FREM1: variants seen among roughly 807,000 people sequenced by gnomAD.
The protein encoded by FREM1 is FRAS1 related extracellular matrix 1.
In FREM1, 220 loss-of-function variants were observed where a neutral mutation model predicts 210.1. The observed-to-expected ratio is 1.05, with a 90% CI of 0.94 to 1.17. FREM1 has a LOEUF of 1.17. Among genes scored for constraint, FREM1 ranks in the 50% most tolerant of loss-of-function variants. The pLI is 0.00. For synonymous variants in FREM1, 1,189 were observed against 980.2 expected (o/e 1.21, Z -3.98); for missense variants, 3,454 against 2,675.5 (o/e 1.29, Z -6.42).
chr9:14,852,140 G>A lies in FREM1; in HGVS notation c.829-533C>T, dbSNP rs544676109. Reference sequence around the variant, plus strand: ...CACCTCCTGTCATGTAGTTTTAAAGGGGGCAGGAGAAGGATGAAGGAAATA... The same window carrying A: ...CACCTCCTGTCATGTAGTTTTAAAGAGGGCAGGAGAAGGATGAAGGAAATA... On this transcript the variant is annotated intron_variant, in intron 5 of 36. Coordinates refer to ENST00000380880, the MANE Select transcript of FREM1 (RefSeq NM_001379081.2). Among the ~76,000 whole-genome samples, 5 of 152,234 alleles carry A rather than the reference G, an allele frequency of 3.3e-5. No individual in the cohort carries two copies. In the South Asian group the frequency reaches 1.0e-3, roughly 32 times the overall value.
intron 3 of FREM1, among the ~76,000 whole-genome samples, chr9:14,860,867 A>ATATACGTATATATACACATATATACG (rs1339254428): frequency 2.3e-5 from 1 of 44,404 alleles, no homozygotes; most frequent in African/African-American, 2.3e-4. Context: ...ATATACACAT[A>ATATACGTATATATACACATATATACG]TATATACGTA....
intron 14 of FREM1, among the ~76,000 whole-genome samples, chr9:14,817,603 C>G (rs1238269096): frequency 6.6e-6 from 1 of 152,026 alleles, no homozygotes; most frequent in Non-Finnish European, 1.5e-5. Context: ...TGAATTGAGC[C>G]AAATTTTAAA....
chr9:14,745,695 C>T (rs1842291459), intron 35 of FREM1, among the ~76,000 whole-genome samples: 1 of 152,150 alleles, frequency 6.6e-6, no homozygotes, highest in African/African-American at 2.4e-5. Context: ...GCATATTAGT[C>T]TAATTGTGTT....
intron 10 of FREM1, among the ~76,000 whole-genome samples, chr9:14,826,885 A>G (rs1822557078): frequency 6.6e-6 from 1 of 152,196 alleles, no homozygotes; most frequent in African/African-American, 2.4e-5. Flanking sequence ...ATCAGACACA[A>G]AACATGCTGG....
intron 21 of FREM1, 118 bp downstream of exon 21, chr9:14,797,380 G>C: frequency 1.4e-6 from 1 of 712,562 alleles, no homozygotes; most frequent in African/African-American, 1.8e-5. Flanking sequence ...GGGGCAAGCT[G>C]TGACAGGAGC....
At chr9:14,879,033 T>C (rs1588552309) in intron 1 of FREM1, among the ~76,000 whole-genome samples, 1 of 151,582 alleles carries the variant, frequency 6.6e-6, no homozygotes, top group Non-Finnish European at 1.5e-5. Context: ...GGCAGGCGCC[T>C]GTAATCTGAG....
At chr9:14,909,585 T>C (rs1165457435) in intron 1 of FREM1, among the ~76,000 whole-genome samples, 2 of 152,396 alleles carry the variant, frequency 1.3e-5, no homozygotes, top group African/African-American at 4.8e-5. Flanking sequence ...TTCATTTAGC[T>C]GAGAAGAAAC....
intron 1 of FREM1, among the ~76,000 whole-genome samples, chr9:14,902,658 G>A (rs1042546508): frequency 2.6e-5 from 4 of 152,132 alleles, no homozygotes; most frequent in Admixed American, 6.5e-5. Context: ...GCACCACAGA[G>A]GCTCTACGGA....
At chr9:14,866,208 G>C (rs1377473302) in intron 2 of FREM1, among the ~76,000 whole-genome samples, 7 of 152,172 alleles carry the variant, frequency 4.6e-5, no homozygotes, top group African/African-American at 7.2e-5. Flanking sequence ...AGTAACTGGA[G>C]TTTTACCTTA....
Position 14,859,527 on chromosome 9 carries a change from G to A in FREM1, c.330-43C>T, listed in dbSNP as rs1438091300. The A allele has an allele frequency of 2.0e-6, 3 of 1,521,446 alleles. No homozygotes were observed. In the African/African-American group the frequency reaches 4.1e-5, roughly 21 times the overall value. 94.2% of individuals were successfully genotyped at this position (1,521,446 alleles called of 1,614,324 possible). ...CAAAAGCAATATTAATTGGTGCTCA[G>A]GTATTTCTGATACCCATGTACTCAG... On this transcript the variant is annotated intron_variant, in intron 3 of 36. Transcript: ENST00000380880.
chr9:14,859,261 G>C lies in FREM1; in HGVS notation c.553C>G (p.His185Asp), dbSNP rs764906137. ...LDTARTRLPA[H>D]GQMVLGEPRP... ...GGCTCCCCGAGAACCATCTGGCCAT[G>C]GGCTGGCAGCCGAGTTCTCGCAGTG... Residue 185 changes from histidine to aspartate, a missense_variant, in exon 4 of 37, where the codon CAT becomes GAT. Transcript: ENST00000380880. 2 of 1,613,550 alleles carry C rather than the reference G, an allele frequency of 1.2e-6. No homozygotes were observed. Among genetic ancestry groups the C allele is most frequent in the Non-Finnish European group, 1.7e-6 (2 of 1,179,670 alleles).
chr9:14,873,201 A>G (rs1359200245), intron 1 of FREM1, among the ~76,000 whole-genome samples: 2 of 151,946 alleles, frequency 1.3e-5, no homozygotes, highest in Non-Finnish European at 2.9e-5. Flanking sequence ...GTTAGGGAGG[A>G]TTCCCTCTTT....
chr9:14,770,722 C>T lies in FREM1; in HGVS notation c.4942G>A (p.Gly1648Arg), dbSNP rs746307888. 13 of 1,613,260 alleles carry T rather than the reference C, an allele frequency of 8.1e-6. No homozygotes were observed. Among genetic ancestry groups the T allele is most frequent in the Middle Eastern group, 1.7e-4 (1 of 6,050 alleles). ...AACACGCGGGAAGTGATGTAAATCCCGTAGCAGCCATTTTTCAGGAGCCCC... is the reference window on the plus strand; with the variant it reads ...AACACGCGGGAAGTGATGTAAATCCTGTAGCAGCCATTTTTCAGGAGCCCC... Reference protein sequence around the residue: ...QVGLLKNGCYGIYITSRVLKA... With the variant: ...QVGLLKNGCYRIYITSRVLKA... The change falls in exon 26 of 37, where the codon GGG (glycine) becomes AGG (arginine). Residue 1648 changes from glycine to arginine, a missense_variant. By Grantham distance (125) the Gly-to-Arg change is moderately radical. Coordinates refer to ENST00000380880, the MANE Select transcript of FREM1 (RefSeq NM_001379081.2).
chr9:14,770,068 T>G (rs1167190371), intron 26 of FREM1, among the ~76,000 whole-genome samples, 200 bp from the exon 27 acceptor site: 1 of 152,140 alleles, frequency 6.6e-6, no homozygotes, highest in Non-Finnish European at 1.5e-5. Flanking sequence ...GTTGACTGCT[T>G]CAGAAATATT....
At chr9:14,815,765 A>G (rs550168805) in intron 15 of FREM1, among the ~76,000 whole-genome samples, 1 of 152,122 alleles carries the variant, frequency 6.6e-6, no homozygotes, top group Non-Finnish European at 1.5e-5. Flanking sequence ...CTCCTGCCTC[A>G]GCCTCCCAAG....
rs575401695 is a variant in FREM1 at position 14,809,551 on chromosome 9, G to A, written c.2894-1417C>T. Reference sequence around the variant, plus strand: ...AAAACTGGGCTTAAAAGGAAAAACCGAATTGAAGTTGAGAGAATTAGAAAG... The same window carrying A: ...AAAACTGGGCTTAAAAGGAAAAACCAAATTGAAGTTGAGAGAATTAGAAAG... On this transcript the variant is annotated intron_variant, in intron 16 of 36. Coordinates refer to ENST00000380880, the MANE Select transcript of FREM1 (RefSeq NM_001379081.2). 5.3e-5 allele frequency among the ~76,000 whole-genome samples: 8 copies of A among 152,258 alleles called. 1 individual carries two copies. The highest frequency in any genetic ancestry group is 3.3e-4 in the Admixed American group (5 of 15,294).
Position 14,737,483 on chromosome 9 carries a change from A to G in FREM1, c.6453T>C (p.Cys2151=). The change falls in exon 37 of 37, where the codon TGT becomes TGC. Residue 2151 remains cysteine (C), a synonymous_variant. Coordinates refer to ENST00000380880, the MANE Select transcript of FREM1 (RefSeq NM_001379081.2). The part of the protein sequence containing the change: ...PSQRSKLGKS[C]VLVQRQGKWQ... ...ATTTCCCTTGTCTTTGAACCAAAAC[A>G]CAGCTCTTTCCAAGCTTGGAGCGTT... 6.2e-7 allele frequency: 1 copy of G among 1,613,890 alleles called. No homozygotes were observed. The highest frequency in any genetic ancestry group is 8.5e-7 in the Non-Finnish European group (1 of 1,179,836).
In FREM1 at chr9:14,851,308, G is replaced by T. The variant is rs1336413313; in HGVS notation, c.1128C>A (p.Ser376Arg). ...CCTCATCATGTCTCCTCTCAGAATGGCTGCTGTTTGGTGGCTGATAGGCGA... is the reference window on the plus strand; with the variant it reads ...CCTCATCATGTCTCCTCTCAGAATGTCTGCTGTTTGGTGGCTGATAGGCGA... ...MQIAYQPPNS[S>R]HSERRHDEVE... Residue 376 changes from serine to arginine, a missense_variant, in exon 6 of 37, where the codon AGC becomes AGA. Physicochemically the swap from Ser to Arg is moderately radical, Grantham distance 110. Transcript: ENST00000380880. The T allele has an allele frequency of 1.3e-6, 2 of 1,597,970 alleles. No homozygotes were observed. Among genetic ancestry groups the T allele is most frequent in the East Asian group, 2.2e-5 (1 of 44,716 alleles).
At chr9:14,808,847 G>A (rs1818856696) in intron 16 of FREM1, among the ~76,000 whole-genome samples, 1 of 152,176 alleles carries the variant, frequency 6.6e-6, no homozygotes, top group East Asian at 1.9e-4. Flanking sequence ...CAGCAACAGG[G>A]CAATCTGCTC....
Sources: allele counts gnomAD v4.1 joint callset (sites outside exome capture counted in the v4.1 genomes callset), GRCh38; gene constraint gnomAD v4.1.1; transcripts MANE v1.5; gene names NCBI Gene and HGNC (gene_info 2026-07-23, HGNC 2026-07-21).